PTPRG: variants seen among roughly 807,000 people sequenced by gnomAD.
PTPRG encodes the protein receptor-type tyrosine-protein phosphatase gamma.
PTPRG carries 102 observed loss-of-function variants against 165.3 expected under a neutral mutation model. That is an observed-to-expected ratio of 0.62 (90% CI 0.53 to 0.73). PTPRG has a LOEUF of 0.73. Among genes scored for constraint, PTPRG ranks in the 30% least tolerant of loss-of-function variants. The pLI is 0.00. For missense variants in PTPRG, 1,866 were observed against 1,861.4 expected, an observed-to-expected ratio of 1.00 and a Z score of -0.05; for synonymous variants, 675 against 669.5, an observed-to-expected ratio of 1.01 and a Z score of -0.13.
At chr3:61,814,676 A>C (rs1168687235) in intron 2 of PTPRG, among the ~76,000 whole-genome samples, 1 of 151,846 alleles carries the variant, frequency 6.6e-6, no homozygotes, top group South Asian at 2.1e-4. Context: ...CATAAGCAAA[A>C]GGAGAAGTAA....
intron 2 of PTPRG, among the ~76,000 whole-genome samples, chr3:61,891,055 C>T (rs939209877): frequency 3.3e-5 from 5 of 152,094 alleles, no homozygotes; most frequent in Non-Finnish European, 5.9e-5. Flanking sequence ...TGCGGTGGCT[C>T]ATGCCTGTAA....
At chr3:61,790,810 A>C (rs1337649452) in intron 2 of PTPRG, among the ~76,000 whole-genome samples, 2 of 142,654 alleles carry the variant, frequency 1.4e-5, no homozygotes, top group African/African-American at 5.2e-5. Flanking sequence ...TGATTTAATT[A>C]TTTCATCTAG....
chr3:61,925,759 C>A (rs888818732), intron 2 of PTPRG: 1 of 354,400 alleles, frequency 2.8e-6, no homozygotes, highest in Non-Finnish European at 5.5e-6. Flanking sequence ...AAAAAAAAAT[C>A]ATCATTGGTC....
chr3:61,886,359 A>G (rs891224655), intron 2 of PTPRG, among the ~76,000 whole-genome samples: 3 of 152,182 alleles, frequency 2.0e-5, no homozygotes, highest in African/African-American at 4.8e-5. Context: ...TCAAGTCTCA[A>G]TGACTACCTA....
At chr3:62,119,848 A>G (rs1438758877) in intron 5 of PTPRG, among the ~76,000 whole-genome samples, 1 of 132,988 alleles carries the variant, frequency 7.5e-6, no homozygotes, top group East Asian at 2.2e-4. Flanking sequence ...GTTGGCCAGG[A>G]TGGTCTCGAT....
chr3:62,126,102 A>G (rs76641529), intron 5 of PTPRG, among the ~76,000 whole-genome samples: 2,337 of 152,290 alleles, frequency 0.015, 59 homozygotes, highest in African/African-American at 0.052. Flanking sequence ...AATCTGCAAG[A>G]CTGCTCCTGG....
chr3:61,709,578 G>A (rs932984705), intron 1 of PTPRG, among the ~76,000 whole-genome samples: 1 of 152,156 alleles, frequency 6.6e-6, no homozygotes, highest in Admixed American at 6.5e-5. Flanking sequence ...GCCTCTGAAA[G>A]TGTTAGGATT....
intron 4 of PTPRG, among the ~76,000 whole-genome samples, chr3:62,028,101 G>T (rs1699632769): frequency 6.6e-6 from 1 of 152,180 alleles, no homozygotes; most frequent in South Asian, 2.1e-4. Flanking sequence ...TAAGACAGTG[G>T]TTTACTGGAA....
chr3:62,181,407 C>G (rs1216332755), intron 8 of PTPRG, among the ~76,000 whole-genome samples: 1 of 151,274 alleles, frequency 6.6e-6, no homozygotes, highest in Non-Finnish European at 1.5e-5. Context: ...GGCCTTTGTA[C>G]ACACTTTTTT....
chr3:61,724,421 C>G (rs1380590284), intron 1 of PTPRG, among the ~76,000 whole-genome samples: 4 of 152,076 alleles, frequency 2.6e-5, no homozygotes, highest in African/African-American at 9.7e-5. Context: ...GTTGTTTTCA[C>G]TTCCTAGCTG....
intron 14 of PTPRG, among the ~76,000 whole-genome samples, chr3:62,242,188 T>C (rs1372247466): frequency 1.3e-5 from 2 of 152,252 alleles, no homozygotes; most frequent in South Asian, 2.1e-4. Flanking sequence ...TATAATATTA[T>C]GTGCATTTCA....
At chr3:61,670,253 G>A (rs1264599417) in intron 1 of PTPRG, among the ~76,000 whole-genome samples, 1 of 152,212 alleles carries the variant, frequency 6.6e-6, no homozygotes, top group African/African-American at 2.4e-5. Flanking sequence ...GAAGACCCAG[G>A]AGGGGGTTGA....
intron 15 of PTPRG, among the ~76,000 whole-genome samples, chr3:62,249,739 G>A (rs1203996686): frequency 2.6e-5 from 4 of 152,118 alleles, no homozygotes; most frequent in Non-Finnish European, 2.9e-5. Flanking sequence ...GCATCATCAA[G>A]GTGACCAGTC....
chr3:61,666,349 C>T (rs1702813837), intron 1 of PTPRG, among the ~76,000 whole-genome samples: 1 of 152,220 alleles, frequency 6.6e-6, no homozygotes, highest in Non-Finnish European at 1.5e-5. Flanking sequence ...CTTTGGATAT[C>T]TTATTTCCCT....
intron 1 of PTPRG, 84 bp downstream of exon 1, chr3:61,562,456 C>T (rs926749167): frequency 7.3e-7 from 1 of 1,366,166 alleles, no homozygotes; most frequent in Non-Finnish European, 1.0e-6. Flanking sequence ...GGAGCTCCGG[C>T]GCCCGTCCGG....
At chr3:61,736,452 C>T (rs2032727065) in intron 1 of PTPRG, among the ~76,000 whole-genome samples, 1 of 151,540 alleles carries the variant, frequency 6.6e-6, no homozygotes, top group Non-Finnish European at 1.5e-5. Context: ...TAACTATTAT[C>T]TTTTTTTTCC....
chr3:61,573,872 T>G (rs927869989), intron 1 of PTPRG, among the ~76,000 whole-genome samples: 1 of 152,218 alleles, frequency 6.6e-6, no homozygotes, highest in African/African-American at 2.4e-5. Context: ...TATATTGTCA[T>G]GGTGGTTGAA....
chr3:62,019,809 C>T (rs1031862285), intron 4 of PTPRG, among the ~76,000 whole-genome samples: 28 of 152,138 alleles, frequency 1.8e-4, no homozygotes, highest in Non-Finnish European at 3.4e-4. Flanking sequence ...AAAACTCTTA[C>T]AATAATAATG....
chr3:61,886,151 G>C (rs1049061533), intron 2 of PTPRG, among the ~76,000 whole-genome samples: 1 of 152,068 alleles, frequency 6.6e-6, no homozygotes, highest in African/African-American at 2.4e-5. Context: ...AGATAACTTC[G>C]CTATTCCTGC....
Sources: gnomAD v4.1 joint callset for allele counts (sites outside exome capture counted in the v4.1 genomes callset) on GRCh38, gnomAD v4.1.1 for gene constraint, MANE v1.5 for transcripts, NCBI Gene and HGNC (gene_info 2026-07-23, HGNC 2026-07-21) for gene names.